Variants in LOXHD1 observed in about 807,000 individuals in gnomAD.
LOXHD1 encodes lipoxygenase homology PLAT domains 1.
A neutral mutation model predicts 248.2 loss-of-function variants in LOXHD1; 205 were observed. The ratio of observed to expected loss-of-function variants is 0.83; its 90% CI spans 0.74 to 0.93. The LOEUF is 0.93. LOXHD1 is among the 40% of genes least tolerant of loss of function. The pLI is 0.00. For synonymous variants in LOXHD1, 1,113 were observed against 1,162.8 expected (o/e 0.96, Z 0.87); for missense variants, 2,930 against 2,971.6 (o/e 0.99, Z 0.33).
intron 33 of LOXHD1, chr18:46,519,045 C>A: frequency 1.0e-6 from 1 of 985,520 alleles, no homozygotes; most frequent in Non-Finnish European, 1.2e-6. Context: ...TCCTGGTGTG[C>A]CTTCACCAAG....
chr18:46,529,241 C>T lies in LOXHD1; in HGVS notation c.4466G>A (p.Gly1489Glu), dbSNP rs2035956968. ...KVYITIYGDL[G>E]DTGERYLGKS... ...GCCAAGGTATCGCTCCCCAGTGTCCCCGAGGTCTCCATAGATGGTGATGTA... is the reference window on the plus strand; with the variant it reads ...GCCAAGGTATCGCTCCCCAGTGTCCTCGAGGTCTCCATAGATGGTGATGTA... Residue 1489 changes from glycine (G) to glutamate (E), a missense_variant, in exon 29 of 41, where the codon GGG becomes GAG. Transcript: ENST00000642948. 6 of 1,551,566 alleles carry T rather than the reference C, an allele frequency of 3.9e-6. No homozygotes were observed. The highest frequency in any genetic ancestry group is 3.5e-6 in the Non-Finnish European group (4 of 1,146,990).
chr18:46,535,929 G>T (rs2036291783), intron 26 of LOXHD1, among the ~76,000 whole-genome samples: 1 of 152,124 alleles, frequency 6.6e-6, no homozygotes, highest in Non-Finnish European at 1.5e-5. Flanking sequence ...AGCTACTCAT[G>T]GTTGGTGGGC....
At chr18:46,638,510 G>A (rs1460324607) in intron 4 of LOXHD1, among the ~76,000 whole-genome samples, 1 of 152,126 alleles carries the variant, frequency 6.6e-6, no homozygotes, top group Non-Finnish European at 1.5e-5. Flanking sequence ...TCAGGCACCT[G>A]TAATCCCAGC....
intron 40 of LOXHD1, 106 bp from the exon 41 acceptor site, chr18:46,478,058 A>T: frequency 2.2e-6 from 3 of 1,371,550 alleles, no homozygotes; most frequent in Non-Finnish European, 2.9e-6. Context: ...TCCCTTCCCA[A>T]GGTGATGGGA....
chr18:46,557,263 G>A, intron 21 of LOXHD1, 93 bp downstream of exon 21: 2 of 1,483,718 alleles, frequency 1.3e-6, no homozygotes, highest in Non-Finnish European at 1.8e-6. Flanking sequence ...GTCACAGCCG[G>A]CCCACCCCCA....
At chr18:46,584,369 T>C (rs1245000378) in intron 12 of LOXHD1, among the ~76,000 whole-genome samples, 1 of 152,036 alleles carries the variant, frequency 6.6e-6, no homozygotes, top group Non-Finnish European at 1.5e-5. Flanking sequence ...ACAAAATAGC[T>C]AGAAGAAATG....
intron 38 of LOXHD1, 140 bp downstream of exon 38, chr18:46,488,832 G>A (rs372065535): frequency 1.1e-6 from 1 of 927,322 alleles, no homozygotes; most frequent in East Asian, 2.7e-5. Context: ...TCACCAAACA[G>A]CATTTAGGAT....
chr18:46,546,008 A>G (rs1267172795), intron 22 of LOXHD1, among the ~76,000 whole-genome samples: 1 of 151,858 alleles, frequency 6.6e-6, no homozygotes, highest in Non-Finnish European at 1.5e-5. Flanking sequence ...CAGAGGGTAG[A>G]GATGTGAGTC....
intron 1 of LOXHD1, 143 bp downstream of exon 1, chr18:46,656,761 G>A (rs769152118): frequency 2.0e-6 from 2 of 987,434 alleles, no homozygotes; most frequent in Non-Finnish European, 1.5e-6. Flanking sequence ...CTTACTCCGA[G>A]GGGATATGGA....
intron 28 of LOXHD1, among the ~76,000 whole-genome samples, chr18:46,531,930 C>T (rs940038342): frequency 1.3e-5 from 2 of 152,156 alleles, no homozygotes; most frequent in Non-Finnish European, 2.9e-5. Context: ...AGGCAACACT[C>T]GTTTTTATTT....
At chr18:46,547,776 G>C (rs1294833986) in intron 21 of LOXHD1, among the ~76,000 whole-genome samples, 4 of 151,988 alleles carry the variant, frequency 2.6e-5, no homozygotes, top group South Asian at 2.1e-4. Flanking sequence ...TCTGTGCTAG[G>C]GTTGCCAGAT....
In LOXHD1 at chr18:46,477,421, C is replaced by CAGAAATGT. The variant is rs1403483558; in HGVS notation, c.*43_*50dup. 6.5e-7 allele frequency: 1 copy of CAGAAATGT among 1,531,768 alleles called. No homozygotes were observed. The highest frequency in any genetic ancestry group is 2.5e-5 in the East Asian group (1 of 40,680). 94.9% of individuals were successfully genotyped at this position (1,531,768 alleles called of 1,614,324 possible). A position where few individuals can be genotyped will look rare whatever the true frequency, so the allele number is the denominator to read the frequency against. ...GGCTGCTGACCGCCAAGGTGGAGGGCAGAAATGTGAGATTGGGGCATCTCA... is the reference window on the plus strand; with the variant it reads ...GGCTGCTGACCGCCAAGGTGGAGGGCAGAAATGTAGAAATGTGAGATTGGGGCATCTCA... On this transcript the variant is annotated 3_prime_UTR_variant, in exon 41 of 41. Coordinates refer to ENST00000642948, the MANE Select transcript of LOXHD1 (RefSeq NM_001384474.1).
chr18:46,497,058 G>A (rs1296466157), intron 37 of LOXHD1, among the ~76,000 whole-genome samples: 1 of 152,148 alleles, frequency 6.6e-6, no homozygotes, highest in Non-Finnish European at 1.5e-5. Flanking sequence ...TTCTTGATGA[G>A]CCTGAAGACC....
At position 46,557,029 on chromosome 18, in the gene LOXHD1, G is replaced by A. The variant is rs561017595; in HGVS notation, c.3350+327C>T. Among the ~76,000 whole-genome samples the A allele has an allele frequency of 1.9e-4, 28 of 144,964 alleles. No homozygotes were observed. In the South Asian group the frequency reaches 2.1e-3, roughly 11 times the overall value. On this transcript the variant is annotated intron_variant, in intron 21 of 40. Coordinates refer to ENST00000642948, the MANE Select transcript of LOXHD1 (RefSeq NM_001384474.1). ...ACCCAGTCCACCCTTACTTTTCGACGTCACAGCCAGTCCACCCTCACCCTC... is the reference window on the plus strand; with the variant it reads ...ACCCAGTCCACCCTTACTTTTCGACATCACAGCCAGTCCACCCTCACCCTC...
At chr18:46,539,695 A>G (rs965086946) in intron 25 of LOXHD1, among the ~76,000 whole-genome samples, 2 of 152,340 alleles carry the variant, frequency 1.3e-5, no homozygotes, top group Non-Finnish European at 2.9e-5. Context: ...ATATCACTGT[A>G]TATCACACAT....
chr18:46,620,738 C>T (rs545047364), intron 4 of LOXHD1, among the ~76,000 whole-genome samples: 3 of 152,208 alleles, frequency 2.0e-5, no homozygotes, highest in East Asian at 1.9e-4. Flanking sequence ...GATGTGGAAA[C>T]GCTAAAGGTC....
chr18:46,599,732 G>C (rs1017336403), intron 8 of LOXHD1, among the ~76,000 whole-genome samples: 1 of 151,918 alleles, frequency 6.6e-6, no homozygotes, highest in Admixed American at 6.6e-5. Flanking sequence ...AAGATAGATT[G>C]GTCAATAGGA....
At chr18:46,617,190 G>T (rs1241775044) in intron 5 of LOXHD1, among the ~76,000 whole-genome samples, 1 of 152,160 alleles carries the variant, frequency 6.6e-6, no homozygotes, top group Non-Finnish European at 1.5e-5. Context: ...CCCACATGCA[G>T]TGCAGGCCTA....
chr18:46,625,599 TG>T (rs1297188566), intron 4 of LOXHD1, among the ~76,000 whole-genome samples: 1 of 152,114 alleles, frequency 6.6e-6, no homozygotes, highest in East Asian at 1.9e-4. Flanking sequence ...AGCCTGTGGG[TG>T]GTGGGTTGAA....
Sources: allele counts gnomAD v4.1 joint callset (sites outside exome capture counted in the v4.1 genomes callset), GRCh38; gene constraint gnomAD v4.1.1; transcripts MANE v1.5; gene names NCBI Gene and HGNC (gene_info 2026-07-23, HGNC 2026-07-21).